Variants in RANBP2 observed in about 807,000 individuals in gnomAD.
The protein encoded by RANBP2 is RAN binding protein 2.
In RANBP2, 57 loss-of-function variants were observed where a neutral mutation model predicts 303.6. The observed-to-expected ratio is 0.19, with a 90% confidence interval of 0.15 to 0.23. The LOEUF (loss-of-function observed/expected upper bound fraction) is 0.23. RANBP2 is among the 10% of genes least tolerant of loss of function. The pLI is 1.00. For missense variants in RANBP2, 3,138 were observed against 3,780.8 expected, an observed-to-expected ratio of 0.83 and a Z score of 4.46; for synonymous variants, 1,167 against 1,301.5, an observed-to-expected ratio of 0.90 and a Z score of 2.23.
chr2:108,728,887 G>T (rs1225547807), intron 1 of RANBP2, among the ~76,000 whole-genome samples: 1 of 152,016 alleles, frequency 6.6e-6, no homozygotes, highest in East Asian at 1.9e-4. Context: ...CAGGTGATCC[G>T]CCCACTTCGG....
At chr2:108,970,048 G>T in the RANBP2 span, among the ~76,000 whole-genome samples, 3 of 152,200 alleles carry the variant, frequency 2.0e-5, no homozygotes, top group Non-Finnish European at 2.9e-5. Context: ...TCTGGATGAC[G>T]TGATGAGTCT....
the RANBP2 span, among the ~76,000 whole-genome samples, chr2:109,019,833 T>C: frequency 6.6e-6 from 1 of 152,220 alleles, no homozygotes; most frequent in African/African-American, 2.4e-5. Flanking sequence ...TTGCCCACTC[T>C]GGGGTCCGGG....
chr2:109,538,308 A>G, the RANBP2 span, among the ~76,000 whole-genome samples: 2 of 152,188 alleles, frequency 1.3e-5, no homozygotes, highest in Non-Finnish European at 2.9e-5. Flanking sequence ...TCATTTTTCT[A>G]TCTCAAGGTC....
chr2:108,905,207 G>A, the RANBP2 span, among the ~76,000 whole-genome samples: 1 of 152,110 alleles, frequency 6.6e-6, no homozygotes, highest in African/African-American at 2.4e-5. Context: ...TGGAGCACAG[G>A]TTCTCAGCCC....
At chr2:109,045,207 G>A in the RANBP2 span, among the ~76,000 whole-genome samples, 2 of 152,136 alleles carry the variant, frequency 1.3e-5, no homozygotes, top group Non-Finnish European at 2.9e-5. Flanking sequence ...AGGACAAAGA[G>A]GGTATTCTAG....
the RANBP2 span, among the ~76,000 whole-genome samples, chr2:108,925,726 TCCTG>T: frequency 6.6e-6 from 1 of 152,062 alleles, no homozygotes; most frequent in South Asian, 2.1e-4. Flanking sequence ...CAAACAATTC[TCCTG>T]CCTCAGCCTC....
At chr2:108,811,243 C>CCCCTT in the RANBP2 span, among the ~76,000 whole-genome samples, 1 of 28,700 alleles carries the variant, frequency 3.5e-5, no homozygotes, top group Admixed American at 4.3e-4. Flanking sequence ...TTCTTTCTCT[C>CCCCTT]TCTCTTTTTT....
At chr2:108,733,910 C>A (rs1276594184) in intron 4 of RANBP2, among the ~76,000 whole-genome samples, 5 of 151,012 alleles carry the variant, frequency 3.3e-5, no homozygotes, top group Non-Finnish European at 7.4e-5. Context: ...AATTCCATTT[C>A]TCCTAAAATT....
chr2:108,776,206 G>A (rs1158511592), intron 24 of RANBP2, among the ~76,000 whole-genome samples: 4 of 152,038 alleles, frequency 2.6e-5, no homozygotes, highest in Admixed American at 2.0e-4. Flanking sequence ...AGACAATAGT[G>A]TTGTTACATG....
At chr2:109,242,322 T>C in the RANBP2 span, among the ~76,000 whole-genome samples, 1 of 152,318 alleles carries the variant, frequency 6.6e-6, no homozygotes, top group South Asian at 2.1e-4. Flanking sequence ...CCTGGGAGTC[T>C]AGAAGCTCCC....
chr2:108,930,966 C>A, the RANBP2 span: 1 of 1,613,924 alleles, frequency 6.2e-7, no homozygotes, highest in Admixed American at 1.7e-5. Flanking sequence ...CCACTTACCA[C>A]CAGGACGGGG....
the RANBP2 span, among the ~76,000 whole-genome samples, chr2:109,150,874 T>C: frequency 6.6e-6 from 1 of 152,138 alleles, no homozygotes; most frequent in East Asian, 1.9e-4. Context: ...AAAAAAAATA[T>C]GGGCATATAA....
the RANBP2 span, chr2:108,912,707 G>T: frequency 3.7e-6 from 6 of 1,601,260 alleles, no homozygotes; most frequent in South Asian, 1.1e-5. Context: ...GGGAGACAGG[G>T]TGCTGCTGCC....
the RANBP2 span, among the ~76,000 whole-genome samples, chr2:109,603,454 T>C: frequency 6.6e-6 from 1 of 152,092 alleles, no homozygotes; most frequent in African/African-American, 2.4e-5. Flanking sequence ...TTAGCCAAGA[T>C]GGTCTCAATC....
the RANBP2 span, among the ~76,000 whole-genome samples, chr2:109,467,008 A>G: frequency 6.6e-6 from 1 of 152,220 alleles, no homozygotes; most frequent in East Asian, 1.9e-4. Flanking sequence ...AAGAGGCTGC[A>G]TATTTAAAGG....
the RANBP2 span, among the ~76,000 whole-genome samples, chr2:108,880,945 A>G: frequency 0.73 from 110,866 of 152,168 alleles, 43,123 homozygotes; most frequent in East Asian, 0.95. Context: ...ATAATTCATG[A>G]GAGAAGTTCA....
At chr2:109,527,779 C>T in the RANBP2 span, among the ~76,000 whole-genome samples, 2 of 152,146 alleles carry the variant, frequency 1.3e-5, no homozygotes, top group Admixed American at 1.3e-4. Context: ...GCTGACAGGT[C>T]GCCAATCTTA....
At chr2:108,960,579 C>T in the RANBP2 span, among the ~76,000 whole-genome samples, 4 of 152,318 alleles carry the variant, frequency 2.6e-5, no homozygotes, top group East Asian at 7.7e-4. Context: ...ACCACGCTGG[C>T]TCTGTCACTG....
the RANBP2 span, among the ~76,000 whole-genome samples, chr2:108,808,131 ATGT>A: frequency 2.0e-5 from 3 of 152,170 alleles, no homozygotes; most frequent in African/African-American, 7.2e-5. Context: ...AGGTTCATCC[ATGT>A]TGCTGCAAAT....
Sources: allele counts gnomAD v4.1 joint callset (sites outside exome capture counted in the v4.1 genomes callset), GRCh38; gene constraint gnomAD v4.1.1; transcripts MANE v1.5; gene names NCBI Gene and HGNC (gene_info 2026-07-23, HGNC 2026-07-21).